Variants in DGKB observed in about 807,000 individuals in gnomAD.
DGKB encodes diacylglycerol kinase beta, also known as 90 kDa diacylglycerol kinase.
Under a neutral mutation model 114.3 loss-of-function variants are expected in DGKB, and 67 were observed. That is an observed-to-expected ratio of 0.59 (90% CI 0.48 to 0.72). The LOEUF is 0.72. Ranked by LOEUF, DGKB falls within the 30% of genes least tolerant of loss-of-function variation. The pLI, the probability that DGKB is intolerant of heterozygous loss-of-function variation, is 0.00. For missense variants in DGKB, 907 were observed against 975.2 expected (o/e 0.93, Z 0.93); for synonymous variants, 398 against 323.1 (o/e 1.23, Z -2.49).
intron 1 of DGKB, among the ~76,000 whole-genome samples, chr7:14,942,384 C>CT (rs1785615048): frequency 6.6e-6 from 1 of 151,882 alleles, no homozygotes; most frequent in Non-Finnish European, 1.5e-5. Flanking sequence ...ATAGTAAGAA[C>CT]ATTATTTCCA....
intron 20 of DGKB, among the ~76,000 whole-genome samples, chr7:14,506,366 A>G (rs942718329): frequency 2.6e-5 from 4 of 152,204 alleles, no homozygotes; most frequent in African/African-American, 9.6e-5. Context: ...ACTTTTGCTT[A>G]ATCATGTTTT....
chr7:14,470,730 T>A (rs1384714091), intron 21 of DGKB, among the ~76,000 whole-genome samples: 1 of 151,748 alleles, frequency 6.6e-6, no homozygotes, highest in Non-Finnish European at 1.5e-5. Context: ...AGAGAATATC[T>A]CATGAAATTG....
chr7:14,531,441 A>G (rs1791569089), intron 20 of DGKB, among the ~76,000 whole-genome samples: 1 of 151,452 alleles, frequency 6.6e-6, no homozygotes, highest in Admixed American at 6.6e-5. Context: ...AAGTCAAAAA[A>G]TTATTCCACG....
chr7:14,583,496 C>A (rs985075090), intron 17 of DGKB, among the ~76,000 whole-genome samples: 3 of 152,080 alleles, frequency 2.0e-5, no homozygotes, highest in Non-Finnish European at 2.9e-5. Flanking sequence ...TACATTATTT[C>A]ATTTAATAAA....
intron 21 of DGKB, among the ~76,000 whole-genome samples, chr7:14,477,653 C>T (rs142463236): frequency 0.013 from 1,908 of 152,082 alleles, 17 homozygotes; most frequent in Non-Finnish European, 0.021. Flanking sequence ...AAATTTTGTT[C>T]GTCAAGTCTT....
At chr7:14,225,463 G>A (rs933148043) in intron 23 of DGKB, among the ~76,000 whole-genome samples, 9 of 152,074 alleles carry the variant, frequency 5.9e-5, no homozygotes, top group Non-Finnish European at 7.4e-5. Flanking sequence ...TTCTTAAAGC[G>A]GTTTTTATCA....
chr7:14,411,431 A>G (rs1338962126), intron 21 of DGKB, among the ~76,000 whole-genome samples: 1 of 152,204 alleles, frequency 6.6e-6, no homozygotes, highest in Non-Finnish European at 1.5e-5. Context: ...ATACGGGAGT[A>G]AAGAACTATA....
At chr7:14,931,199 C>A (rs1238464639) in intron 1 of DGKB, among the ~76,000 whole-genome samples, 1 of 151,700 alleles carries the variant, frequency 6.6e-6, no homozygotes, top group Non-Finnish European at 1.5e-5. Context: ...GCAACCTCCG[C>A]CTCCTGAGTT....
At chr7:14,943,081 A>G (rs1785662678) in intron 1 of DGKB, among the ~76,000 whole-genome samples, 1 of 151,960 alleles carries the variant, frequency 6.6e-6, no homozygotes, top group South Asian at 2.1e-4. Flanking sequence ...TGACTTACTG[A>G]TAATGGTGTG....
intron 20 of DGKB, among the ~76,000 whole-genome samples, chr7:14,512,364 A>G (rs1788111872): frequency 6.6e-6 from 1 of 152,186 alleles, no homozygotes; most frequent in Admixed American, 6.5e-5. Flanking sequence ...AATAAGTTAT[A>G]CATAATCAAT....
chr7:14,819,370 G>C (rs1416989315), intron 2 of DGKB, among the ~76,000 whole-genome samples: 1 of 152,014 alleles, frequency 6.6e-6, no homozygotes, highest in Non-Finnish European at 1.5e-5. Context: ...GTGAACGCTT[G>C]AGCCCAGAAG....
intron 21 of DGKB, among the ~76,000 whole-genome samples, chr7:14,403,224 A>AC (rs1475873672): frequency 6.6e-6 from 1 of 151,876 alleles, no homozygotes; most frequent in East Asian, 1.9e-4. Context: ...TTAAAAAAAA[A>AC]AGCCTGATAT....
chr7:14,661,986 A>G (rs1361961261), intron 13 of DGKB, among the ~76,000 whole-genome samples: 1 of 152,060 alleles, frequency 6.6e-6, no homozygotes, highest in Non-Finnish European at 1.5e-5. Context: ...ATTCTCACTC[A>G]TAGGTGGGAA....
At chr7:14,928,283 T>C (rs1784840976) in intron 1 of DGKB, among the ~76,000 whole-genome samples, 1 of 151,952 alleles carries the variant, frequency 6.6e-6, no homozygotes, top group Non-Finnish European at 1.5e-5. Flanking sequence ...AATTTTCAAA[T>C]ATTCAAAAAA....
intron 13 of DGKB, among the ~76,000 whole-genome samples, chr7:14,665,432 T>C (rs1817866158): frequency 6.6e-6 from 1 of 151,948 alleles, no homozygotes; most frequent in South Asian, 2.1e-4. Context: ...GCTTAGTACC[T>C]GGGTGATGAA....
intron 2 of DGKB, among the ~76,000 whole-genome samples, chr7:14,800,080 C>T (rs1024166378): frequency 6.6e-5 from 10 of 152,098 alleles, no homozygotes; most frequent in South Asian, 2.1e-4. Context: ...CCGCGCCTGG[C>T]TAACTTTTTG....
chr7:14,407,342 T>C (rs7809648), intron 21 of DGKB, among the ~76,000 whole-genome samples: 113,905 of 151,692 alleles, frequency 0.75, 43,360 homozygotes, highest in Middle Eastern at 0.83. Context: ...TCCTATCGGC[T>C]TCCAATAACA....
At chr7:14,208,613 T>C (rs556344784) in intron 23 of DGKB, among the ~76,000 whole-genome samples, 1 of 152,178 alleles carries the variant, frequency 6.6e-6, no homozygotes, top group African/African-American at 2.4e-5. Context: ...ATACTAGTAT[T>C]TCTGTATTGA....
At chr7:14,629,719 A>C (rs1231437048) in intron 14 of DGKB, among the ~76,000 whole-genome samples, 1 of 152,102 alleles carries the variant, frequency 6.6e-6, no homozygotes, top group East Asian at 1.9e-4. Context: ...AAAGCCATTT[A>C]TTCTGACTAT....
Sources: gnomAD v4.1 joint callset for allele counts (sites outside exome capture counted in the v4.1 genomes callset) on GRCh38, gnomAD v4.1.1 for gene constraint, MANE v1.5 for transcripts, NCBI Gene and HGNC (gene_info 2026-07-23, HGNC 2026-07-21) for gene names.